Variants in TP53BP2 observed in about 807,000 individuals in gnomAD.
The protein encoded by TP53BP2 is tumor protein p53 binding protein 2.
A neutral mutation model predicts 126.2 loss-of-function variants in TP53BP2; 62 were observed. That is an observed-to-expected ratio of 0.49 (90% CI 0.40 to 0.61). The LOEUF is 0.61. Ranked by LOEUF, TP53BP2 falls within the 20% of genes least tolerant of loss-of-function variation. The pLI is 0.00. For missense variants in TP53BP2, 1,215 were observed against 1,402.8 expected, an observed-to-expected ratio of 0.87 and a Z score of 2.14; for synonymous variants, 485 against 502.9, an observed-to-expected ratio of 0.96 and a Z score of 0.48.
chr1:223,827,401 A>G (rs922097394), intron 1 of TP53BP2, among the ~76,000 whole-genome samples: 1 of 152,212 alleles, frequency 6.6e-6, no homozygotes, highest in South Asian at 2.1e-4. Flanking sequence ...GCAAAAGTGT[A>G]CAATCAGATT....
intron 1 of TP53BP2, among the ~76,000 whole-genome samples, chr1:223,837,312 A>G (rs964608979): frequency 1.3e-5 from 2 of 152,130 alleles, no homozygotes; most frequent in Non-Finnish European, 2.9e-5. Flanking sequence ...GTTGAAAAGA[A>G]ACATGGTGAC....
At chr1:223,814,131 C>T (rs1460405315) in intron 3 of TP53BP2, 109 bp downstream of exon 3, 1 of 758,944 alleles carries the variant, frequency 1.3e-6, no homozygotes, top group Non-Finnish European at 2.2e-6. Flanking sequence ...CACTTCCTAA[C>T]CTCTCCTTCA....
chr1:223,834,161 G>A (rs1663838272), intron 1 of TP53BP2, among the ~76,000 whole-genome samples: 1 of 152,228 alleles, frequency 6.6e-6, no homozygotes, highest in Admixed American at 6.5e-5. Flanking sequence ...GCAGGGCCTT[G>A]TAGGTCAAGA....
chr1:223,824,809 C>A (rs893922429), intron 1 of TP53BP2, among the ~76,000 whole-genome samples: 2 of 152,028 alleles, frequency 1.3e-5, no homozygotes, highest in Non-Finnish European at 2.9e-5. Flanking sequence ...CTAATCCCCC[C>A]TCACTCTGTG....
intron 2 of TP53BP2, 44 bp from the exon 3 acceptor site, chr1:223,814,397 AAGAT>A (rs1190966261): frequency 1.9e-5 from 25 of 1,344,672 alleles, no homozygotes; most frequent in African/African-American, 2.9e-5. Flanking sequence ...AGGTAAAAGA[AAGAT>A]AAATATATCA....
intron 3 of TP53BP2, among the ~76,000 whole-genome samples, chr1:223,813,769 C>T (rs1287263614): frequency 6.6e-6 from 1 of 152,090 alleles, no homozygotes; most frequent in African/African-American, 2.4e-5. Flanking sequence ...TAAGCCCTCT[C>T]TCCTAATCTC....
At chr1:223,813,129 C>G (rs1046784062) in intron 3 of TP53BP2, among the ~76,000 whole-genome samples, 2 of 152,176 alleles carry the variant, frequency 1.3e-5, no homozygotes, top group Admixed American at 6.5e-5. Context: ...TCCACCCTCC[C>G]CCTACAGTCA....
chr1:223,838,333 A>C (rs181362686), intron 1 of TP53BP2, among the ~76,000 whole-genome samples: 345 of 152,322 alleles, frequency 2.3e-3, no homozygotes, highest in Non-Finnish European at 3.1e-3. Flanking sequence ...GCCATCCAAA[A>C]ACAATTAAAT....
rs781656053 is a variant in TP53BP2 at position 223,803,337 on chromosome 1, C to G, written c.765G>C (p.Arg255Ser). ...ACTGATTGTCATGGTGGCTGTCGAT[C>G]CTGCCGTTCTTGAGCATCTCTAGCT... ...TRQLEMLKNG[R>S]IDSHHDNQSA... The change falls in exon 7 of 18, where the codon AGG becomes AGC. Residue 255 changes from arginine (R) to serine (S), a missense_variant. This residue lies in a region of TP53BP2 where 814 missense variants were observed against 853.0 expected (regional missense o/e 0.95). Transcript: ENST00000343537. The G allele has an allele frequency of 6.2e-7, 1 of 1,613,874 alleles. No individual in the cohort carries two copies. The highest frequency in any genetic ancestry group is 1.1e-5 in the South Asian group (1 of 91,068).
chr1:223,818,564 T>C (rs1663177663), intron 2 of TP53BP2, among the ~76,000 whole-genome samples: 2 of 150,510 alleles, frequency 1.3e-5, no homozygotes, highest in African/African-American at 2.5e-5. Context: ...ATCGGTGTTA[T>C]CATTAAAAAA....
At position 223,806,894 on chromosome 1, in the gene TP53BP2, A is replaced by G; in HGVS notation, c.426T>C (p.Ser142=). The change falls in exon 5 of 18, where the codon TCT becomes TCC. Residue 142 remains serine, a synonymous_variant. Transcript: ENST00000343537. ...LTLAELQEMA[S]RQQQQIEAQQ... ...GGGCTTCAATCTGTTGCTGCTGGCGAGATGCCATTTCCTGAAGTTCAGCAA... is the reference window on the plus strand; with the variant it reads ...GGGCTTCAATCTGTTGCTGCTGGCGGGATGCCATTTCCTGAAGTTCAGCAA... 1 of 1,614,116 alleles carries G rather than the reference A, an allele frequency of 6.2e-7. No homozygotes were observed. Among genetic ancestry groups the G allele is most frequent in the Non-Finnish European group, 8.5e-7 (1 of 1,179,996 alleles).
intron 3 of TP53BP2, among the ~76,000 whole-genome samples, chr1:223,810,979 T>C (rs1215167773): frequency 6.6e-6 from 1 of 152,128 alleles, no homozygotes; most frequent in Non-Finnish European, 1.5e-5. Flanking sequence ...AAGAAAGCAC[T>C]TAAAAAAAGG....
intron 1 of TP53BP2, among the ~76,000 whole-genome samples, chr1:223,830,448 A>T (rs991475945): frequency 6.6e-6 from 1 of 152,188 alleles, no homozygotes; most frequent in Non-Finnish European, 1.5e-5. Context: ...ATAAATTATT[A>T]AAAATCCTAC....
chr1:223,841,265 A>AAATAAATAAATAAATAAATG (rs1422371728), intron 1 of TP53BP2, among the ~76,000 whole-genome samples: 4 of 151,940 alleles, frequency 2.6e-5, no homozygotes, highest in African/African-American at 9.7e-5. Context: ...ATAAATAAAT[A>AAATAAATAAATAAATAAATG]AATAAAAGAA....
chr1:223,818,513 A>C (rs201293090), intron 2 of TP53BP2, among the ~76,000 whole-genome samples: 1 of 151,456 alleles, frequency 6.6e-6, no homozygotes. Flanking sequence ...AAAAAAAAAA[A>C]AAAAGAAAAG....
chr1:223,803,461 G>A lies in TP53BP2; in HGVS notation c.650-9C>T. The stretch of plus-strand genomic sequence containing the variant: ...CTGTTCAATTTCCTCCACTAGATGA[G>A]ACAGAGAACAGCAACAACAGTTGAA... On this transcript the variant is annotated splice_polypyrimidine_tract_variant and intron_variant, in intron 6 of 17. Transcript: ENST00000343537. The A allele has an allele frequency of 6.3e-7, 1 of 1,594,686 alleles. No homozygotes were observed. The highest frequency in any genetic ancestry group is 8.6e-7 in the Non-Finnish European group (1 of 1,169,170).
intron 1 of TP53BP2, among the ~76,000 whole-genome samples, chr1:223,831,382 A>G (rs1029274728): frequency 7.0e-6 from 1 of 143,608 alleles, no homozygotes; most frequent in African/African-American, 2.5e-5. Context: ...TGGGCGACAG[A>G]GCAAGACGCT....
At chr1:223,820,496 T>C (rs566502647) in intron 2 of TP53BP2, among the ~76,000 whole-genome samples, 1 of 152,272 alleles carries the variant, frequency 6.6e-6, no homozygotes, top group South Asian at 2.1e-4. Flanking sequence ...CATCCAACTG[T>C]AGAAAAGTTA....
At chr1:223,806,986 C>G (rs764629012) in intron 4 of TP53BP2, 39 bp from the exon 5 acceptor site, 2 of 1,478,414 alleles carry the variant, frequency 1.4e-6, no homozygotes, top group Non-Finnish European at 1.9e-6. Flanking sequence ...TCCCAGCTTA[C>G]TATAAAACTA....
Sources: allele counts gnomAD v4.1 joint callset (sites outside exome capture counted in the v4.1 genomes callset), GRCh38; gene constraint gnomAD v4.1.1; regional missense constraint gnomAD v4.1.1; transcripts MANE v1.5; gene names NCBI Gene and HGNC (gene_info 2026-07-23, HGNC 2026-07-21).